The following TRIM8 variants were observed in gnomAD, a reference collection of about 807,000 sequenced individuals.
The protein encoded by TRIM8 is tripartite motif containing 8, also known as E3 ubiquitin-protein ligase TRIM8.
TRIM8 carries 9 observed loss-of-function variants against 55.7 expected under a neutral mutation model. That is an observed-to-expected ratio of 0.16 (90% confidence interval 0.10 to 0.28). TRIM8 has a LOEUF of 0.28. Among genes scored for constraint, TRIM8 ranks in the 10% least tolerant of loss-of-function variants. The pLI is 1.00. For synonymous variants in TRIM8, 335 were observed against 333.3 expected (o/e 1.01, Z -0.06); for missense variants, 556 against 736.4 (o/e 0.76, Z 2.83).
Position 102,657,280 on chromosome 10 carries a change from T to C in TRIM8, c.1582T>C (p.Ser528Pro). Residue 528 changes from serine to proline, a missense_variant, in exon 6 of 6, where the codon TCC becomes CCC. Coordinates refer to ENST00000643721, the MANE Select transcript of TRIM8 (RefSeq NM_030912.3). ...SLAVRDWLDASQQPGHQDFYR... is the reference protein window; with the variant it reads ...SLAVRDWLDAPQQPGHQDFYR... ...GGCGGTCAGAGACTGGCTTGACGCC[T>C]CCCAGCAGCCCGGCCACCAGGATTT... is the stretch of plus-strand genomic sequence containing the variant. The C allele has an allele frequency of 6.2e-7, 1 of 1,613,468 alleles. No individual in the cohort carries two copies.
At position 102,657,444 on chromosome 10, in the gene TRIM8, C is replaced by A; in HGVS notation, c.*90C>A. 7.1e-7 allele frequency: 1 copy of A among 1,409,650 alleles called. No homozygotes were observed. Among genetic ancestry groups the A allele is most frequent in the South Asian group, 1.4e-5 (1 of 69,696 alleles). The allele number at this position is 1,409,650 out of a possible 1,614,324, so 87.3% of individuals were successfully genotyped here. On this transcript the variant is annotated 3_prime_UTR_variant, in exon 6 of 6. Transcript: ENST00000643721. ...ATCCAGAGACCTGCCCTTCTACCTT[C>A]CTCGCCTCCCCTCTTCCTCATTCCA...
rs753664423 is a variant in TRIM8, at chr10:102,657,163, C to T, written c.1465C>T (p.Arg489Cys). ...ANHGGHQPYP[R>C]SGHFPWTVPS... is the part of the protein sequence containing the mutation. ...CCATGGCGGCCACCAGCCCTACCCCCGCTCCGGCCACTTTCCCTGGACAGT... is the reference window on the plus strand; with the variant it reads ...CCATGGCGGCCACCAGCCCTACCCCTGCTCCGGCCACTTTCCCTGGACAGT... The change falls in exon 6 of 6, where the codon CGC becomes TGC. Residue 489 changes from arginine (R) to cysteine (C), a missense_variant. Arg to Cys is a radical substitution (Grantham distance 180). Coordinates refer to ENST00000643721, the MANE Select transcript of TRIM8 (RefSeq NM_030912.3). 4 of 1,613,776 alleles carry T rather than the reference C, an allele frequency of 2.5e-6. No individual in the cohort carries two copies. Among genetic ancestry groups the T allele is most frequent in the African/African-American group, 1.3e-5 (1 of 74,936 alleles).
Position 102,645,199 on chromosome 10 carries a change from ACGCG to A in TRIM8, c.570+22_570+25del. ...GGAATGAAATCCGGGCAAGTACCCT[ACGCG>A]CGCGCGCGCACACACACACACACAG... On this transcript the variant is annotated intron_variant, in intron 1 of 5. Coordinates refer to ENST00000643721, the MANE Select transcript of TRIM8 (RefSeq NM_030912.3). 1.3e-6 allele frequency: 2 copies of A among 1,514,006 alleles called. No homozygotes were observed. The highest frequency in any genetic ancestry group is 2.3e-5 in the East Asian group (1 of 42,776). The allele number at this position is 1,514,006 out of a possible 1,614,324, so 93.8% of individuals were successfully genotyped here. A position where few individuals can be genotyped will look rare whatever the true frequency, so the allele number is the denominator to read the frequency against.
intron 1 of TRIM8, 172 bp downstream of exon 1, chr10:102,645,359 G>T: frequency 1.5e-6 from 1 of 671,818 alleles, no homozygotes; most frequent in Non-Finnish European, 2.3e-6. Flanking sequence ...GGGAAGAAGG[G>T]CCCCGGGTCG....
At chr10:102,650,829 G>T (rs779919313) in intron 1 of TRIM8, among the ~76,000 whole-genome samples, 5 of 152,142 alleles carry the variant, frequency 3.3e-5, no homozygotes, top group Non-Finnish European at 7.4e-5. Context: ...GTGGTGGGGG[G>T]TCTGGGCCTT....
chr10:102,646,777 G>A (rs969384686), intron 1 of TRIM8, among the ~76,000 whole-genome samples: 2 of 152,162 alleles, frequency 1.3e-5, no homozygotes, highest in African/African-American at 2.4e-5. Context: ...AAAGTGCAGA[G>A]GCAGGAGAAA....
chr10:102,650,757 C>T (rs1315615863), intron 1 of TRIM8, among the ~76,000 whole-genome samples: 2 of 152,152 alleles, frequency 1.3e-5, no homozygotes, highest in Non-Finnish European at 2.9e-5. Flanking sequence ...GGAAGTGGGG[C>T]CTTGGCTCTT....
At chr10:102,645,332 T>G (rs2063925241) in intron 1 of TRIM8, 145 bp downstream of exon 1, 1 of 946,762 alleles carries the variant, frequency 1.1e-6, no homozygotes, top group Non-Finnish European at 1.5e-6. Flanking sequence ...TCTCTGAAAG[T>G]TTGGGGACAG....
At chr10:102,653,220 A>AG (rs2063998592) in intron 1 of TRIM8, among the ~76,000 whole-genome samples, 1 of 152,206 alleles carries the variant, frequency 6.6e-6, no homozygotes, top group Non-Finnish European at 1.5e-5. Flanking sequence ...TAGCCAGGAC[A>AG]GGGAGGGACC....
chr10:102,653,306 C>G (rs891493110), intron 1 of TRIM8, among the ~76,000 whole-genome samples: 1 of 152,020 alleles, frequency 6.6e-6, no homozygotes, highest in Non-Finnish European at 1.5e-5. Context: ...GAAGAATAGA[C>G]AGGGGAGGGA....
At chr10:102,649,863 T>G (rs2063966122) in intron 1 of TRIM8, among the ~76,000 whole-genome samples, 1 of 148,732 alleles carries the variant, frequency 6.7e-6, no homozygotes, top group African/African-American at 2.5e-5. Context: ...AAGGGGAGAG[T>G]GCTATGAGCG....
chr10:102,655,878 G>A (rs1237336956), intron 3 of TRIM8, among the ~76,000 whole-genome samples: 1 of 152,192 alleles, frequency 6.6e-6, no homozygotes, highest in Non-Finnish European at 1.5e-5. Context: ...ATGAAGTTAT[G>A]GATGCACAGA....
chr10:102,655,277 G>A lies in TRIM8; in HGVS notation c.864G>A (p.Leu288=). The change falls in exon 3 of 6, where the codon CTG becomes CTA. Residue 288 remains leucine (L), a synonymous_variant. Coordinates refer to ENST00000643721, the MANE Select transcript of TRIM8 (RefSeq NM_030912.3). ...EAKKLLGSLQ[L]LFDKTEDVSF... ...AGAAGCTGCTGGGCTCCCTGCAGCT[G>A]CTCTTTGATAAGACGGAGGATGTCA... 6.2e-7 allele frequency: 1 copy of A among 1,603,776 alleles called. No homozygotes were observed. The highest frequency in any genetic ancestry group is 1.7e-4 in the Middle Eastern group (1 of 6,000).
In TRIM8 at chr10:102,657,861, T is replaced by G. The variant is rs1158630351; in HGVS notation, c.*507T>G. On this transcript the variant is annotated 3_prime_UTR_variant, in exon 6 of 6. Transcript: ENST00000643721. ...GATTGTGCGACTTTTGTTTTTGTTT[T>G]TTTAAATTTTTTTAAACCAAGAATG... is the stretch of plus-strand genomic sequence containing the variant. The G allele has an allele frequency of 6.6e-6, 1 of 152,650 alleles. No individual in the cohort carries two copies. Among genetic ancestry groups the G allele is most frequent in the Non-Finnish European group, 1.5e-5 (1 of 68,146 alleles). The allele number at this position is 152,650 out of a possible 1,614,324, so 9.5% of individuals were successfully genotyped here.
intron 1 of TRIM8, among the ~76,000 whole-genome samples, chr10:102,651,090 C>T (rs1366941067): frequency 6.6e-6 from 1 of 152,174 alleles, no homozygotes; most frequent in Non-Finnish European, 1.5e-5. Context: ...CTGGCACCCC[C>T]TGGCCAGCCT....
At position 102,645,155 on chromosome 10, in the gene TRIM8, T is replaced by C. The variant is rs2063923098; in HGVS notation, c.538T>C (p.Cys180Arg). 5 of 1,563,856 alleles carry C rather than the reference T, an allele frequency of 3.2e-6. No homozygotes were observed. In the East Asian group the frequency reaches 9.1e-5, roughly 28 times the overall value. ...YSGAHQGHSV[C>R]DVEIRRNEIR... ...CGGCGCGCATCAGGGACACTCGGTG[T>C]GCGACGTGGAGATCCGAAGGAATGA... The change falls in exon 1 of 6, where the codon TGC becomes CGC. Residue 180 changes from cysteine to arginine, a missense_variant. Cys to Arg is a radical substitution (Grantham distance 180). Around this residue, in one of 2 missense-constraint regions of TRIM8, gnomAD observed 165 missense variants for 295.3 expected, o/e 0.56. Coordinates refer to ENST00000643721, the MANE Select transcript of TRIM8 (RefSeq NM_030912.3).
At chr10:102,651,712 G>C (rs1479110550) in intron 1 of TRIM8, among the ~76,000 whole-genome samples, 1 of 152,234 alleles carries the variant, frequency 6.6e-6, no homozygotes, top group Non-Finnish European at 1.5e-5. Flanking sequence ...CCTCCTGAGG[G>C]TGGGCTTGGG....
rs1485423075 is a variant in TRIM8 at position 102,645,064 on chromosome 10, C to T, written c.447C>T (p.Asn149=). ...GGGCCTGGAGCTGCCCGCAGCACAA[C>T]GCCTACCGCCTCTACCACTGCGAGG... ...DVRAWSCPQH[N]AYRLYHCEAE... is the part of the protein sequence containing the mutation. Residue 149 remains asparagine (N), a synonymous_variant, in exon 1 of 6, where the codon AAC becomes AAT. Coordinates refer to ENST00000643721, the MANE Select transcript of TRIM8 (RefSeq NM_030912.3). 6.3e-7 allele frequency: 1 copy of T among 1,592,340 alleles called. No individual in the cohort carries two copies. The highest frequency in any genetic ancestry group is 8.5e-7 in the Non-Finnish European group (1 of 1,176,784).
chr10:102,645,347 C>T (rs916252817), intron 1 of TRIM8, 160 bp downstream of exon 1: 3 of 820,550 alleles, frequency 3.7e-6, no homozygotes, highest in Non-Finnish European at 5.3e-6. Context: ...GGACAGGGTC[C>T]TGGGAAGAAG....
Sources: gnomAD v4.1 joint callset for allele counts (sites outside exome capture counted in the v4.1 genomes callset) on GRCh38, gnomAD v4.1.1 for gene constraint, gnomAD v4.1.1 regional missense constraint, MANE v1.5 for transcripts, NCBI Gene and HGNC (gene_info 2026-07-23, HGNC 2026-07-21) for gene names.